The following PRRC2B variants were observed in gnomAD, a reference collection of about 807,000 sequenced individuals.
PRRC2B encodes proline rich coiled-coil 2B.
In PRRC2B, 68 loss-of-function variants were observed where a neutral mutation model predicts 242.3. The observed-to-expected ratio is 0.28, with a 90% CI of 0.23 to 0.34. PRRC2B has a LOEUF of 0.34. Among genes scored for constraint, PRRC2B ranks in the 10% least tolerant of loss-of-function variants. The pLI is 1.00. For synonymous variants in PRRC2B, 1,228 were observed against 1,173.6 expected, an observed-to-expected ratio of 1.05 and a Z score of -0.95; for missense variants, 2,835 against 2,954.8, an observed-to-expected ratio of 0.96 and a Z score of 0.94.
At chr9:131,427,249 C>T (rs1257420206) in intron 1 of PRRC2B, among the ~76,000 whole-genome samples, 2 of 152,134 alleles carry the variant, frequency 1.3e-5, no homozygotes, top group East Asian at 1.9e-4. Flanking sequence ...GCTCAGTCAG[C>T]GTCTTTTGTC....
intron 5 of PRRC2B, among the ~76,000 whole-genome samples, chr9:131,439,994 A>G (rs187252413): frequency 3.5e-4 from 53 of 151,446 alleles, no homozygotes; most frequent in Middle Eastern, 6.8e-3. Context: ...AGATCCTCCC[A>G]CTTCAGCCTC....
chr9:131,444,513 T>C (rs552348332), intron 6 of PRRC2B, among the ~76,000 whole-genome samples, 185 bp downstream of exon 6: 2 of 152,332 alleles, frequency 1.3e-5, no homozygotes, highest in African/African-American at 4.8e-5. Flanking sequence ...GGATTGGGCC[T>C]TGTGCCTTTT....
In PRRC2B at chr9:131,474,865, A is replaced by G. The variant is rs1283365185; in HGVS notation, c.2736A>G (p.Pro912=). The change falls in exon 16 of 32, where the codon CCA becomes CCG. Residue 912 remains proline, a synonymous_variant. Transcript: ENST00000683519. ...AGAACGGGAGCCCCAACAAACAGCC[A>G]TCCTCGGAGCCTGAATGGACTCCCG... The part of the protein sequence containing the change: ...WDKNGSPNKQ[P]SSEPEWTPEP... 7 of 1,606,252 alleles carry G rather than the reference A, an allele frequency of 4.4e-6. No homozygotes were observed. Among genetic ancestry groups the G allele is most frequent in the Admixed American group, 3.4e-5 (2 of 58,954 alleles).
chr9:131,438,234 G>A (rs929949193), intron 4 of PRRC2B, among the ~76,000 whole-genome samples: 3 of 151,780 alleles, frequency 2.0e-5, no homozygotes, highest in East Asian at 1.9e-4. Context: ...TGGAAAAGAC[G>A]GGTGAGCTTA....
intron 10 of PRRC2B, 109 bp from the exon 11 acceptor site, chr9:131,459,055 G>T (rs1943165622): frequency 1.1e-6 from 1 of 935,856 alleles, no homozygotes; most frequent in Non-Finnish European, 1.7e-6. Context: ...TTCTAATGAA[G>T]AAAATGATTT....
chr9:131,418,141 C>T (rs1414929590), intron 1 of PRRC2B, among the ~76,000 whole-genome samples: 1 of 152,244 alleles, frequency 6.6e-6, no homozygotes, highest in East Asian at 1.9e-4. Flanking sequence ...TGCTGAACTC[C>T]TCTGTGCCAA....
At chr9:131,383,317 A>G (rs940073443) in intron 1 of PRRC2B, among the ~76,000 whole-genome samples, 1 of 152,196 alleles carries the variant, frequency 6.6e-6, no homozygotes, top group Admixed American at 6.6e-5. Flanking sequence ...GGTGCAGAGC[A>G]TTTGAAAGCG....
Position 131,464,851 on chromosome 9 carries a change from A to G in PRRC2B, c.1493A>G (p.Glu498Gly), listed in dbSNP as rs767540760. 5 of 1,613,810 alleles carry G rather than the reference A, an allele frequency of 3.1e-6. No individual in the cohort carries two copies. Among genetic ancestry groups the G allele is most frequent in the Non-Finnish European group, 4.2e-6 (5 of 1,179,852 alleles). The change falls in exon 12 of 32, where the codon GAG (glutamate) becomes GGG (glycine). Residue 498 changes from glutamate (E) to glycine (G), a missense_variant. Glu to Gly is a moderately conservative substitution (Grantham distance 98). Transcript: ENST00000683519. ...CCAAGGCAGAAGTTCATTCAGTCAGAGATGTCCGAGGCGGTGGAGCGAGCC... is the reference window on the plus strand; with the variant it reads ...CCAAGGCAGAAGTTCATTCAGTCAGGGATGTCCGAGGCGGTGGAGCGAGCC... ...PPPRQKFIQS[E>G]MSEAVERARK... is the part of the protein sequence containing the mutation.
chr9:131,418,767 AT>A (rs1837725115), intron 1 of PRRC2B, among the ~76,000 whole-genome samples: 1 of 152,218 alleles, frequency 6.6e-6, no homozygotes, highest in East Asian at 1.9e-4. Context: ...CTTTAAAATT[AT>A]CTTCATAGTT....
chr9:131,469,405 T>C (rs2131433110), intron 13 of PRRC2B, among the ~76,000 whole-genome samples: 1 of 152,282 alleles, frequency 6.6e-6, no homozygotes, highest in South Asian at 2.1e-4. Context: ...TCTGGTCATA[T>C]TCCCTGGAGA....
At chr9:131,417,961 C>T (rs1363595573) in intron 1 of PRRC2B, among the ~76,000 whole-genome samples, 1 of 152,208 alleles carries the variant, frequency 6.6e-6, no homozygotes, top group African/African-American at 2.4e-5. Flanking sequence ...CATGGTGAGG[C>T]CCAGAGGTAA....
At chr9:131,432,003 A>T (rs568458737) in intron 2 of PRRC2B, among the ~76,000 whole-genome samples, 20 of 152,032 alleles carry the variant, frequency 1.3e-4, no homozygotes, top group African/African-American at 4.8e-4. Context: ...CACATTGCCC[A>T]GGCTGGTCTC....
intron 1 of PRRC2B, among the ~76,000 whole-genome samples, chr9:131,410,831 TC>T (rs1837489436): frequency 6.6e-6 from 1 of 152,234 alleles, no homozygotes; most frequent in African/African-American, 2.4e-5. Context: ...TTAGGCTTTT[TC>T]TTCATTGTTT....
Position 131,475,538 on chromosome 9 carries a change from G to A in PRRC2B, c.3409G>A (p.Glu1137Lys). Residue 1137 changes from glutamate (E) to lysine (K), a missense_variant, in exon 16 of 32, where the codon GAG (glutamate) becomes AAG (lysine). Glu to Lys is a moderately conservative substitution (Grantham distance 56). Transcript: ENST00000683519. The part of the protein sequence containing the change: ...RRRVASETHS[E>K]GSEYEELPKR... Reference sequence around the variant, plus strand: ...GAGAGTTGCCAGTGAGACCCATAGCGAGGGCTCAGAGTATGAAGAACTTCC... The same window carrying A: ...GAGAGTTGCCAGTGAGACCCATAGCAAGGGCTCAGAGTATGAAGAACTTCC... 6.2e-7 allele frequency: 1 copy of A among 1,612,444 alleles called. No individual in the cohort carries two copies. The highest frequency in any genetic ancestry group is 1.1e-5 in the South Asian group (1 of 91,034).
chr9:131,477,036 C>T (rs1286179833), intron 16 of PRRC2B, among the ~76,000 whole-genome samples: 1 of 152,202 alleles, frequency 6.6e-6, no homozygotes, highest in Non-Finnish European at 1.5e-5. Flanking sequence ...TGGCAGGAGC[C>T]CAGCAAACGC....
At chr9:131,441,777 G>C (rs1426965973) in intron 5 of PRRC2B, among the ~76,000 whole-genome samples, 1 of 152,166 alleles carries the variant, frequency 6.6e-6, no homozygotes, top group Non-Finnish European at 1.5e-5. Context: ...TAGGTCACCT[G>C]AAACAGACCC....
At chr9:131,395,268 GA>G (rs1327966155) in intron 1 of PRRC2B, among the ~76,000 whole-genome samples, 3 of 151,976 alleles carry the variant, frequency 2.0e-5, no homozygotes, top group Non-Finnish European at 4.4e-5. Context: ...CTTTCCCTAA[GA>G]TTTTTTTTTT....
rs1404259255 is a variant in PRRC2B, at chr9:131,494,805, G to C, written c.6555+319G>C. Among the ~76,000 whole-genome samples the C allele has an allele frequency of 1.3e-5, 2 of 152,182 alleles. No individual in the cohort carries two copies. The highest frequency in any genetic ancestry group is 3.9e-4 in the East Asian group (2 of 5,194). Reference sequence around the variant, plus strand: ...CGCCCTGGGAGACTCGGTTAGGTTTGGGGGTCGGCTTTAGGAGCCGGGGTG... The same window carrying C: ...CGCCCTGGGAGACTCGGTTAGGTTTCGGGGTCGGCTTTAGGAGCCGGGGTG... On this transcript the variant is annotated intron_variant, in intron 31 of 31. Coordinates refer to ENST00000683519, the MANE Select transcript of PRRC2B (RefSeq NM_013318.4). The surrounding 1 kb of genome is among the most constrained non-coding windows in gnomAD (Gnocchi z 4.3).
At chr9:131,461,979 A>G (rs576823600) in intron 11 of PRRC2B, among the ~76,000 whole-genome samples, 218 of 152,316 alleles carry the variant, frequency 1.4e-3, no homozygotes, top group African/African-American at 4.8e-3. Context: ...AATAGACACA[A>G]TGCCACTGCT....
Sources: allele counts gnomAD v4.1 joint callset (sites outside exome capture counted in the v4.1 genomes callset), GRCh38; gene constraint gnomAD v4.1.1; non-coding constraint Gnocchi (gnomAD v3.1); transcripts MANE v1.5; gene names NCBI Gene and HGNC (gene_info 2026-07-23, HGNC 2026-07-21).